SLCO6A1: variants seen among roughly 807,000 people sequenced by gnomAD.
SLCO6A1 encodes the protein cancer/testis antigen 48.
In SLCO6A1, 65 loss-of-function variants were observed where a neutral mutation model predicts 72.7. The observed-to-expected ratio is 0.89, with a 90% CI of 0.73 to 1.10. The LOEUF is 1.10. Among genes scored for constraint, SLCO6A1 ranks in the 50% least tolerant of loss-of-function variants. The pLI, the probability that SLCO6A1 is intolerant of heterozygous loss-of-function variation, is 0.00. For synonymous variants in SLCO6A1, 314 were observed against 298.2 expected (o/e 1.05, Z -0.55); for missense variants, 874 against 872.6 (o/e 1.00, Z -0.02).
At chr5:102,497,573 C>A (rs1383646196) in intron 1 of SLCO6A1, among the ~76,000 whole-genome samples, 1 of 152,150 alleles carries the variant, frequency 6.6e-6, no homozygotes, top group Non-Finnish European at 1.5e-5. Context: ...TCGTGCCAGC[C>A]GGTTAACCTG....
At chr5:102,446,136 T>C (rs1750096356) in intron 6 of SLCO6A1, among the ~76,000 whole-genome samples, 1 of 152,190 alleles carries the variant, frequency 6.6e-6, no homozygotes, top group Non-Finnish European at 1.5e-5. Context: ...ATTAGGATAG[T>C]ATTAAATCTG....
At chr5:102,376,549 A>G (rs1381829203) in intron 12 of SLCO6A1, among the ~76,000 whole-genome samples, 1 of 152,160 alleles carries the variant, frequency 6.6e-6, no homozygotes, top group East Asian at 1.9e-4. Flanking sequence ...TAAAGAAAAA[A>G]ATGGAAAAAT....
chr5:102,429,598 A>T (rs979789895), intron 7 of SLCO6A1, among the ~76,000 whole-genome samples: 1 of 152,138 alleles, frequency 6.6e-6, no homozygotes, highest in Non-Finnish European at 1.5e-5. Context: ...AGGTTTGTTG[A>T]AGATCAGATG....
chr5:102,469,701 T>C (rs529633716), intron 4 of SLCO6A1, among the ~76,000 whole-genome samples: 7 of 152,174 alleles, frequency 4.6e-5, no homozygotes, highest in East Asian at 1.9e-4. Flanking sequence ...CTATGTTGAA[T>C]AGGAGTGGTG....
intron 9 of SLCO6A1, among the ~76,000 whole-genome samples, chr5:102,402,401 G>C (rs567591766): frequency 1.3e-5 from 2 of 152,252 alleles, no homozygotes; most frequent in Admixed American, 6.5e-5. Flanking sequence ...GATAGTAGAG[G>C]TAATGCCTGC....
intron 1 of SLCO6A1, among the ~76,000 whole-genome samples, chr5:102,497,285 T>A (rs1000333369): frequency 6.6e-6 from 1 of 152,160 alleles, no homozygotes; most frequent in African/African-American, 2.4e-5. Context: ...AATTCATAGA[T>A]GAGGAAAAAA....
intron 12 of SLCO6A1, among the ~76,000 whole-genome samples, chr5:102,384,355 C>T (rs1746288569): frequency 6.6e-6 from 1 of 151,954 alleles, no homozygotes; most frequent in African/African-American, 2.4e-5. Flanking sequence ...GGACTCACAA[C>T]TGCCATTTTT....
intron 4 of SLCO6A1, among the ~76,000 whole-genome samples, chr5:102,472,561 T>C (rs961658430): frequency 6.6e-6 from 1 of 152,044 alleles, no homozygotes; most frequent in Non-Finnish European, 1.5e-5. Flanking sequence ...GTTCCCAATA[T>C]ATAATTAAAA....
chr5:102,424,512 A>G (rs1028525730), intron 7 of SLCO6A1, among the ~76,000 whole-genome samples: 19 of 152,240 alleles, frequency 1.2e-4, no homozygotes, highest in African/African-American at 4.3e-4. Context: ...AATAAAGTAG[A>G]AAATCGAGAA....
chr5:102,430,947 T>C (rs530646291), intron 7 of SLCO6A1, among the ~76,000 whole-genome samples: 1 of 152,246 alleles, frequency 6.6e-6, no homozygotes, highest in South Asian at 2.1e-4. Flanking sequence ...GTTTGTAGGC[T>C]ATTTATTGCT....
At chr5:102,419,741 G>T (rs1328332965) in intron 8 of SLCO6A1, 85 bp downstream of exon 8, 2 of 1,048,436 alleles carry the variant, frequency 1.9e-6, no homozygotes, top group East Asian at 2.7e-5. Flanking sequence ...ACATATAAGG[G>T]TTACTGGATA....
At chr5:102,383,531 T>C (rs1214948347) in intron 12 of SLCO6A1, among the ~76,000 whole-genome samples, 1 of 151,818 alleles carries the variant, frequency 6.6e-6, no homozygotes, top group Non-Finnish European at 1.5e-5. Flanking sequence ...TCCTTGCACC[T>C]TAGGGATAAA....
At chr5:102,481,424 C>G (rs6891115) in intron 1 of SLCO6A1, among the ~76,000 whole-genome samples, 7,877 of 152,180 alleles carry the variant, frequency 0.052, 274 homozygotes, top group Non-Finnish European at 0.083. Context: ...CCACCAGAAA[C>G]AGAAAGGAAA....
chr5:102,391,038 G>T lies in SLCO6A1; in HGVS notation c.1822C>A (p.Pro608Thr), dbSNP rs763843997. 3.1e-6 allele frequency: 5 copies of T among 1,613,026 alleles called. No homozygotes were observed. The Admixed American group carries it at 6.7e-5, about 22-fold the overall frequency. ...PIVLAMTRVV[P>T]DKLRSLALGV... The stretch of plus-strand genomic sequence containing the variant: ...AAGGCCAGAGAACGCAGTTTGTCAG[G>T]TACAACCCTGAAAGTAAATAGCAAT... The change falls in exon 11 of 14, where the codon CCT becomes ACT. Residue 608 changes from proline (P) to threonine (T), a missense_variant. Transcript: ENST00000506729.
intron 12 of SLCO6A1, among the ~76,000 whole-genome samples, chr5:102,374,737 C>A (rs1028921124): frequency 6.6e-6 from 1 of 151,974 alleles, no homozygotes; most frequent in African/African-American, 2.4e-5. Context: ...ACAATTGTAA[C>A]ATAGTAAATA....
At chr5:102,412,123 C>T (rs186369439) in intron 9 of SLCO6A1, among the ~76,000 whole-genome samples, 84 of 152,148 alleles carry the variant, frequency 5.5e-4, no homozygotes, top group African/African-American at 2.0e-3. Context: ...TTACCTACAG[C>T]CTGGAAGCCC....
intron 6 of SLCO6A1, among the ~76,000 whole-genome samples, chr5:102,456,339 T>C (rs894144548): frequency 2.6e-5 from 4 of 152,188 alleles, no homozygotes; most frequent in African/African-American, 9.7e-5. Flanking sequence ...GATGACATGA[T>C]TGTATATCTA....
chr5:102,470,506 T>G lies in SLCO6A1; in HGVS notation c.899+5191A>C, dbSNP rs991751950. On this transcript the variant is annotated intron_variant, in intron 4 of 13. Transcript: ENST00000506729. Reference sequence around the variant, plus strand: ...TATTTCTGTGGGATCAGTGGTGATATCCCTTTTATCATTTTTTATTGTGTC... The same window carrying G: ...TATTTCTGTGGGATCAGTGGTGATAGCCCTTTTATCATTTTTTATTGTGTC... Among the ~76,000 whole-genome samples the G allele has an allele frequency of 2.6e-4, 40 of 152,168 alleles. 1 individual carries two copies. The highest frequency in any genetic ancestry group is 2.6e-3 in the Admixed American group (40 of 15,266).
At chr5:102,466,322 C>T (rs181360132) in intron 4 of SLCO6A1, among the ~76,000 whole-genome samples, 4 of 152,152 alleles carry the variant, frequency 2.6e-5, no homozygotes, top group Admixed American at 6.6e-5. Flanking sequence ...TAATGGCCTC[C>T]GGCTCCATTC....
Sources: gnomAD v4.1 joint callset for allele counts (sites outside exome capture counted in the v4.1 genomes callset) on GRCh38, gnomAD v4.1.1 for gene constraint, MANE v1.5 for transcripts, NCBI Gene and HGNC (gene_info 2026-07-23, HGNC 2026-07-21) for gene names.